The following MAPK15 variants were observed in gnomAD, a reference collection of about 807,000 sequenced individuals.
MAPK15 encodes the protein ERK-7.
A neutral mutation model predicts 60.8 loss-of-function variants in MAPK15; 61 were observed. The ratio of observed to expected loss-of-function variants is 1.00; its 90% CI spans 0.82 to 1.24. The LOEUF (loss-of-function observed/expected upper bound fraction) is 1.24. MAPK15 is among the 50% of genes most tolerant of loss of function. The pLI, the probability that MAPK15 is intolerant of heterozygous loss-of-function variation, is 0.00. For missense variants in MAPK15, 808 were observed against 741.1 expected, an observed-to-expected ratio of 1.09 and a Z score of -1.05; for synonymous variants, 356 against 319.9, an observed-to-expected ratio of 1.11 and a Z score of -1.21.
rs1818011983 is a variant in MAPK15 at position 143,720,610 on chromosome 8, C to A, written c.780-93C>A. On this transcript the variant is annotated intron_variant, in intron 8 of 13. Transcript: ENST00000338033. This position sits in a 1 kb window ranked among gnomAD's most constrained non-coding sequence, Gnocchi z 4.6. ...TACCTAGACAGGACAGCAGGGTGGACCCCAGTTTGGAAGCTGAGCCCCCAG... is the reference window on the plus strand; with the variant it reads ...TACCTAGACAGGACAGCAGGGTGGAACCCAGTTTGGAAGCTGAGCCCCCAG... 4 of 1,522,056 alleles carry A rather than the reference C, an allele frequency of 2.6e-6. No homozygotes were observed. In the East Asian group the frequency reaches 9.7e-5, roughly 37 times the overall value. The allele number at this position is 1,522,056 out of a possible 1,614,324, so 94.3% of individuals were successfully genotyped here.
intron 4 of MAPK15, 54 bp from the exon 5 acceptor site, chr8:143,718,721 C>CGGGG: frequency 1.8e-5 from 14 of 796,104 alleles, no homozygotes; most frequent in Middle Eastern, 3.7e-4. Context: ...CCACTCCCCC[C>CGGGG]AGGTTGCCCC....
chr8:143,719,506 G>A, intron 7 of MAPK15, 24 bp downstream of exon 7: 12 of 1,604,392 alleles, frequency 7.5e-6, no homozygotes, highest in Non-Finnish European at 9.3e-6. Context: ...CTGGGGCTGG[G>A]CACCGGGAAT....
rs782747708 is a variant in MAPK15, at chr8:143,720,771, G to A, written c.848G>A (p.Arg283Gln). Residue 283 changes from arginine to glutamine, a missense_variant, in exon 9 of 14, where the codon CGA (arginine) becomes CAA (glutamine). Physicochemically the swap from Arg to Gln is conservative, Grantham distance 43. Transcript: ENST00000338033. This position sits in a 1 kb window ranked among gnomAD's most constrained non-coding sequence, Gnocchi z 4.6. Reference protein sequence around the residue: ...TSPEALDLLRRLLVFAPDKRL... With the variant: ...TSPEALDLLRQLLVFAPDKRL... ...CCAGAGGCCTTGGACCTCCTTAGGCGACTCCTGGTGTTCGCCCCGGACAAG... is the reference window on the plus strand; with the variant it reads ...CCAGAGGCCTTGGACCTCCTTAGGCAACTCCTGGTGTTCGCCCCGGACAAG... 29 of 1,613,586 alleles carry A rather than the reference G, an allele frequency of 1.8e-5. No homozygotes were observed. Among genetic ancestry groups the A allele is most frequent in the South Asian group, 5.5e-5 (5 of 91,080 alleles).
rs1410558983 is a variant in MAPK15, at chr8:143,722,395, G to T, written c.*144G>T. The T allele has an allele frequency of 2.3e-5, 15 of 661,954 alleles. No individual in the cohort carries two copies. The highest frequency in any genetic ancestry group is 3.6e-5 in the Non-Finnish European group (15 of 413,606). The allele number at this position is 661,954 out of a possible 1,614,324, so 41.0% of individuals were successfully genotyped here. ...GGAGCTTGCCCGGGTCTCCTCGGGG[G>T]AGCAGATGAGGGCCCTGCCCCCGCC... On this transcript the variant is annotated 3_prime_UTR_variant, in exon 14 of 14. Transcript: ENST00000338033.
Position 143,721,634 on chromosome 8 carries a change from C to T in MAPK15, c.1290C>T (p.Pro430=), listed in dbSNP as rs201083673. ...CTCTCCTAGGGAATGGGGAAAGGCC[C>T]CCTGGGGCGAAGGAAGCGCCCCCCT... ...QTALLGNGER[P]PGAKEAPPLT... Residue 430 remains proline, a synonymous_variant, in exon 12 of 14, where the codon CCC becomes CCT. Coordinates refer to ENST00000338033, the MANE Select transcript of MAPK15 (RefSeq NM_139021.3). 6.2e-7 allele frequency: 1 copy of T among 1,610,606 alleles called. No homozygotes were observed. Among genetic ancestry groups the T allele is most frequent in the Non-Finnish European group, 8.5e-7 (1 of 1,178,180 alleles).
chr8:143,720,285 C>T lies in MAPK15; in HGVS notation c.777C>T (p.Ser259=). Residue 259 remains serine (S), a splice_region_variant and synonymous_variant, in exon 8 of 14, where the codon TCC becomes TCT. Coordinates refer to ENST00000338033, the MANE Select transcript of MAPK15 (RefSeq NM_139021.3). The surrounding 1 kb of genome is among the most constrained non-coding windows in gnomAD (Gnocchi z 4.6). ...CRASVLHQLG[S]RPRQTLDALL... ...CCTCTGTGCTGCACCAGCTGGGGTCCCGGTGAGTGGGGGCACTTCGGTGAG... is the reference window on the plus strand; with the variant it reads ...CCTCTGTGCTGCACCAGCTGGGGTCTCGGTGAGTGGGGGCACTTCGGTGAG... The T allele has an allele frequency of 1.9e-6, 3 of 1,587,202 alleles. No individual in the cohort carries two copies. Among genetic ancestry groups the T allele is most frequent in the South Asian group, 2.3e-5 (2 of 86,818 alleles).
chr8:143,717,564 G>A (rs782639872), intron 1 of MAPK15, 130 bp from the exon 2 acceptor site: 14 of 737,286 alleles, frequency 1.9e-5, no homozygotes, highest in Admixed American at 6.7e-5. Flanking sequence ...CTGCAGTTGC[G>A]GGAGCCCACA....
At chr8:143,719,547 G>C in intron 7 of MAPK15, 65 bp downstream of exon 7, 5 of 1,553,360 alleles carry the variant, frequency 3.2e-6, no homozygotes, top group Non-Finnish European at 4.3e-6. Flanking sequence ...GCTGTGGGGA[G>C]ACAGCAGCTG....
Position 143,719,114 on chromosome 8 carries a change from C to T in MAPK15, c.539C>T (p.Thr180Ile), listed in dbSNP as rs898611815. ...EDQAVTEYVATRWYRAPEVLL... is the reference protein window; with the variant it reads ...EDQAVTEYVAIRWYRAPEVLL... Reference sequence around the variant, plus strand: ...CAGGCCGTGACAGAGTACGTGGCCACACGCTGGTACCGAGCACCGGAGGTG... The same window carrying T: ...CAGGCCGTGACAGAGTACGTGGCCATACGCTGGTACCGAGCACCGGAGGTG... Residue 180 changes from threonine (T) to isoleucine (I), a missense_variant, in exon 6 of 14, where the codon ACA becomes ATA. Thr to Ile is a moderately conservative substitution (Grantham distance 89, BLOSUM62 -1). Coordinates refer to ENST00000338033, the MANE Select transcript of MAPK15 (RefSeq NM_139021.3). 3 of 1,560,020 alleles carry T rather than the reference C, an allele frequency of 1.9e-6. No homozygotes were observed. The highest frequency in any genetic ancestry group is 1.2e-5 in the South Asian group (1 of 85,294).
rs781835594 is a variant in MAPK15, at chr8:143,719,064, C to A, written c.489C>A (p.Gly163=). 6.3e-7 allele frequency: 1 copy of A among 1,584,442 alleles called. No homozygotes were observed. The highest frequency in any genetic ancestry group is 8.6e-7 in the Non-Finnish European group (1 of 1,166,042). Reference sequence around the variant, plus strand: ...ACTTTGGCCTGGCCCGCTCCCTGGGCGACCTCCCCGAGGGGCCTGAGGACC... The same window carrying A: ...ACTTTGGCCTGGCCCGCTCCCTGGGAGACCTCCCCGAGGGGCCTGAGGACC... The part of the protein sequence containing the change: ...LCDFGLARSL[G]DLPEGPEDQA... The change falls in exon 6 of 14, where the codon GGC becomes GGA. Residue 163 remains glycine (G), a synonymous_variant. Coordinates refer to ENST00000338033, the MANE Select transcript of MAPK15 (RefSeq NM_139021.3).
At chr8:143,718,513 G>C in intron 4 of MAPK15, 1 of 630,094 alleles carries the variant, frequency 1.6e-6, no homozygotes, top group Non-Finnish European at 2.8e-6. Context: ...CCTGCCCCAG[G>C]CTCCTGCTCT....
At position 143,718,353 on chromosome 8, in the gene MAPK15, C is replaced by T. The variant is rs781917390; in HGVS notation, c.286+51C>T. ...CAGCCCCACCTCTGTTCTGTCCTGA[C>T]GCCGTCTGCGGGTCCCTCTGCGTGT... is the stretch of plus-strand genomic sequence containing the variant. On this transcript the variant is annotated intron_variant, in intron 4 of 13. Transcript: ENST00000338033. 8.3e-5 allele frequency: 129 copies of T among 1,550,872 alleles called. 1 individual carries two copies. Among genetic ancestry groups the T allele is most frequent in the African/African-American group, 2.3e-4 (17 of 73,616 alleles).
At chr8:143,718,727 G>GGGCCCCC in intron 4 of MAPK15, 48 bp from the exon 5 acceptor site, 5 of 514,500 alleles carry the variant, frequency 9.7e-6, no homozygotes, top group East Asian at 3.3e-5. Flanking sequence ...CCCCCAGGTT[G>GGGCCCCC]CCCCCCCAGC....
intron 1 of MAPK15, among the ~76,000 whole-genome samples, chr8:143,716,670 C>T (rs374365609): frequency 6.6e-6 from 1 of 152,262 alleles, no homozygotes; most frequent in African/African-American, 2.4e-5. Context: ...CAGGTGACAG[C>T]CAGGGCCGCC....
intron 2 of MAPK15, 103 bp downstream of exon 2, chr8:143,717,895 C>T: frequency 1.3e-6 from 2 of 1,490,456 alleles, no homozygotes; most frequent in Non-Finnish European, 1.9e-6. Flanking sequence ...CCAGTCATAG[C>T]AGATGTTCTG....
chr8:143,718,711 C>G (rs1587434952), intron 4 of MAPK15, 64 bp from the exon 5 acceptor site: 1 of 1,102,104 alleles, frequency 9.1e-7, no homozygotes. Context: ...TGCCCCTCTC[C>G]CACTCCCCCC....
At chr8:143,718,738 C>CCCCCCCCCCCCCCCCCCCCCCT in intron 4 of MAPK15, 37 bp from the exon 5 acceptor site, 1 of 1,152,900 alleles carries the variant, frequency 8.7e-7, no homozygotes, top group South Asian at 1.5e-5. Flanking sequence ...CCCCCCCAGC[C>CCCCCCCCCCCCCCCCCCCCCCT]CCCCACCCCC....
At position 143,720,352 on chromosome 8, in the gene MAPK15, C is replaced by T; in HGVS notation, c.779+65C>T. 6.7e-7 allele frequency: 1 copy of T among 1,483,366 alleles called. No homozygotes were observed. The allele number at this position is 1,483,366 out of a possible 1,614,324, so 91.9% of individuals were successfully genotyped here. On this transcript the variant is annotated intron_variant, in intron 8 of 13. Coordinates refer to ENST00000338033, the MANE Select transcript of MAPK15 (RefSeq NM_139021.3). This position sits in a 1 kb window ranked among gnomAD's most constrained non-coding sequence, Gnocchi z 4.6. Reference sequence around the variant, plus strand: ...ATCTCAAGGGAGCAGGGCCACCTTCCTGCAAGTTTACTGGGGCCAGTTTGT... The same window carrying T: ...ATCTCAAGGGAGCAGGGCCACCTTCTTGCAAGTTTACTGGGGCCAGTTTGT...
intron 1 of MAPK15, 38 bp downstream of exon 1, chr8:143,716,481 C>G: frequency 6.3e-7 from 1 of 1,580,380 alleles, no homozygotes; most frequent in Non-Finnish European, 8.6e-7. Context: ...CCGAGGGGCG[C>G]GGCAGATCTG....
Sources: allele counts gnomAD v4.1 joint callset (sites outside exome capture counted in the v4.1 genomes callset), GRCh38; gene constraint gnomAD v4.1.1; non-coding constraint Gnocchi (gnomAD v3.1); transcripts MANE v1.5; gene names NCBI Gene and HGNC (gene_info 2026-07-23, HGNC 2026-07-21).